The following COL24A1 variants were observed in gnomAD, a reference collection of about 807,000 sequenced individuals.
The protein encoded by COL24A1 is collagen type XXIV alpha 1 chain, also known as collagen alpha-1(XXIV) chain.
COL24A1 carries 224 observed loss-of-function variants against 253.9 expected under a neutral mutation model. The observed-to-expected ratio is 0.88, with a 90% confidence interval of 0.79 to 0.99. COL24A1 has a LOEUF of 0.99. COL24A1 is among the 50% of genes least tolerant of loss of function. The pLI, the probability that COL24A1 is intolerant of heterozygous loss-of-function variation, is 0.00. For missense variants in COL24A1, 2,131 were observed against 2,068.5 expected (o/e 1.03, Z -0.59); for synonymous variants, 685 against 673.7 (o/e 1.02, Z -0.26).
intron 37 of COL24A1, among the ~76,000 whole-genome samples, chr1:85,858,285 C>T (rs1678683545): frequency 6.6e-6 from 1 of 152,190 alleles, no homozygotes; most frequent in South Asian, 2.1e-4. Flanking sequence ...GAATAATCAC[C>T]AAACCTCTTA....
At chr1:85,853,359 A>G (rs1385382064) in intron 37 of COL24A1, among the ~76,000 whole-genome samples, 1 of 150,826 alleles carries the variant, frequency 6.6e-6, no homozygotes, top group East Asian at 1.9e-4. Flanking sequence ...TTTTTTTTTT[A>G]TCCAGTCCAC....
In COL24A1 at chr1:86,123,399, C is replaced by T. The variant is rs572077746; in HGVS notation, c.1491+1446G>A. The stretch of plus-strand genomic sequence containing the variant: ...ACACTTACTTTGCATCTCTCTGCAG[C>T]ATTTATCCTACTTTACTACAAGATA... On this transcript the variant is annotated intron_variant, in intron 3 of 59. Coordinates refer to ENST00000370571, the MANE Select transcript of COL24A1 (RefSeq NM_152890.7). Among the ~76,000 whole-genome samples, 17 of 152,120 alleles carry T rather than the reference C, an allele frequency of 1.1e-4. No homozygotes were observed. The South Asian group carries it at 2.3e-3, about 20-fold the overall frequency.
intron 24 of COL24A1, among the ~76,000 whole-genome samples, chr1:85,923,875 C>T (rs1269869659): frequency 6.6e-6 from 1 of 152,052 alleles, no homozygotes; most frequent in African/African-American, 2.4e-5. Context: ...ATCAATGAAT[C>T]CATGAGCTGG....
chr1:85,952,595 T>C (rs1254188868), intron 24 of COL24A1, among the ~76,000 whole-genome samples: 1 of 152,202 alleles, frequency 6.6e-6, no homozygotes, highest in Non-Finnish European at 1.5e-5. Flanking sequence ...ACATCTCAAA[T>C]AAAGTATAAC....
chr1:85,797,393 G>A (rs932732601), intron 47 of COL24A1, among the ~76,000 whole-genome samples: 4 of 152,038 alleles, frequency 2.6e-5, no homozygotes, highest in African/African-American at 7.2e-5. Context: ...GCTCAACTCC[G>A]ACTAGAAAGG....
chr1:85,914,964 C>T (rs777420957), intron 24 of COL24A1, among the ~76,000 whole-genome samples: 17 of 152,114 alleles, frequency 1.1e-4, no homozygotes, highest in Non-Finnish European at 1.8e-4. Context: ...GCAAACTTGA[C>T]AATGGGGAGG....
Position 85,912,956 on chromosome 1 carries a change from C to T in COL24A1, c.2563-1523G>A, listed in dbSNP as rs548471636. Among the ~76,000 whole-genome samples the T allele has an allele frequency of 1.4e-4, 21 of 152,218 alleles. No homozygotes were observed. In the East Asian group the frequency reaches 3.5e-3, roughly 25 times the overall value. ...AAATATTACTAAAATCAGTTCACCT[C>T]TTTCTTTTTATCTTTTTTAATGTGG... On this transcript the variant is annotated intron_variant, in intron 24 of 59. Transcript: ENST00000370571.
At position 85,823,617 on chromosome 1, in the gene COL24A1, C is replaced by T. The variant is rs767123368; in HGVS notation, c.3736-28G>A. 3.8e-5 allele frequency: 62 copies of T among 1,613,596 alleles called. No individual in the cohort carries two copies. In the Admixed American group the frequency reaches 5.7e-4, roughly 15 times the overall value. ...TTAGTAGAAACCAAAATAAAAATCA[C>T]ATATGAAGCAGAGACCAAATAAGTT... On this transcript the variant is annotated intron_variant, in intron 44 of 59. Coordinates refer to ENST00000370571, the MANE Select transcript of COL24A1 (RefSeq NM_152890.7).
At chr1:85,940,686 A>C (rs12034125) in intron 24 of COL24A1, among the ~76,000 whole-genome samples, 48,286 of 152,034 alleles carry the variant, frequency 0.32, 8,596 homozygotes, top group East Asian at 0.51. Flanking sequence ...CTTAGTATCC[A>C]AATAGGGATT....
chr1:86,022,496 C>A (rs369791694), intron 17 of COL24A1, 42 bp downstream of exon 17: 1 of 1,531,462 alleles, frequency 6.5e-7, no homozygotes. Context: ...TTTGAATTTA[C>A]ACTTTTTCAT....
chr1:85,800,055 T>G (rs1035170301), intron 47 of COL24A1, among the ~76,000 whole-genome samples: 3 of 152,202 alleles, frequency 2.0e-5, no homozygotes, highest in African/African-American at 7.2e-5. Context: ...TCTGTTTTTA[T>G]AAACAATGGT....
At chr1:86,100,092 CAAT>C (rs1399663199) in intron 5 of COL24A1, among the ~76,000 whole-genome samples, 2 of 152,156 alleles carry the variant, frequency 1.3e-5, no homozygotes, top group African/African-American at 2.4e-5. Flanking sequence ...AAATGTCCAA[CAAT>C]GATAGACTGG....
chr1:85,790,769 G>A (rs147784081), intron 47 of COL24A1, among the ~76,000 whole-genome samples: 113 of 152,196 alleles, frequency 7.4e-4, no homozygotes, highest in African/African-American at 2.6e-3. Flanking sequence ...GAATTAGATG[G>A]CAAAGCCTTG....
chr1:85,939,308 C>T lies in COL24A1; in HGVS notation c.2562+21941G>A, dbSNP rs540719167. 2.3e-3 allele frequency among the ~76,000 whole-genome samples: 347 copies of T among 152,254 alleles called. 1 individual carries two copies. The highest frequency in any genetic ancestry group is 8.0e-3 in the Admixed American group (123 of 15,284). On this transcript the variant is annotated intron_variant, in intron 24 of 59. Coordinates refer to ENST00000370571, the MANE Select transcript of COL24A1 (RefSeq NM_152890.7). Reference sequence around the variant, plus strand: ...GTTCACTTATGCTTGATGGACACAACAACTATCATACCTAGCAGTGTGGCT... The same window carrying T: ...GTTCACTTATGCTTGATGGACACAATAACTATCATACCTAGCAGTGTGGCT...
At chr1:85,858,624 C>CTTCCTTCCTTCCTTCT (rs71078626) in intron 37 of COL24A1, among the ~76,000 whole-genome samples, 8,057 of 86,636 alleles carry the variant, frequency 0.093, 585 homozygotes, top group Non-Finnish European at 0.1. Context: ...TTTCTCCCTC[C>CTTCCTTCCTTCCTTCT]TTCCTTCCTT....
At chr1:85,827,385 C>A (rs546579423) in intron 43 of COL24A1, among the ~76,000 whole-genome samples, 2 of 151,206 alleles carry the variant, frequency 1.3e-5, no homozygotes, top group Admixed American at 1.3e-4. Context: ...GTCTAAAATT[C>A]TCTTTTTTGG....
chr1:85,768,065 G>A (rs1223636389), intron 53 of COL24A1, among the ~76,000 whole-genome samples: 1 of 152,216 alleles, frequency 6.6e-6, no homozygotes, highest in East Asian at 1.9e-4. Flanking sequence ...AGAATGGTCT[G>A]AGAAGACTTC....
At chr1:86,152,046 A>G (rs1652847383) in intron 1 of COL24A1, among the ~76,000 whole-genome samples, 1 of 152,200 alleles carries the variant, frequency 6.6e-6, no homozygotes, top group Admixed American at 6.5e-5. Flanking sequence ...AGCTACTAAG[A>G]TCGAGAAATA....
chr1:85,933,037 T>A (rs1416393114), intron 24 of COL24A1, among the ~76,000 whole-genome samples: 9 of 130,634 alleles, frequency 6.9e-5, no homozygotes, highest in African/African-American at 2.7e-4. Context: ...TGTATACATA[T>A]GTAACTAACC....
Sources: gnomAD v4.1 joint callset for allele counts (sites outside exome capture counted in the v4.1 genomes callset) on GRCh38, gnomAD v4.1.1 for gene constraint, MANE v1.5 for transcripts, NCBI Gene and HGNC (gene_info 2026-07-23, HGNC 2026-07-21) for gene names.